Variants in DNAH17 observed in about 807,000 individuals in gnomAD.
The protein encoded by DNAH17 is axonemal beta dynein heavy chain 17.
In DNAH17, 376 loss-of-function variants were observed where a neutral mutation model predicts 485.6. The observed-to-expected ratio is 0.77, with a 90% CI of 0.71 to 0.84. The LOEUF (loss-of-function observed/expected upper bound fraction) is 0.84, where lower values mean the gene tolerates loss of function less well. Among genes scored for constraint, DNAH17 ranks in the 40% least tolerant of loss-of-function variants. DNAH17 has a pLI of 0.00. For missense variants in DNAH17, 6,370 were observed against 5,839.3 expected (o/e 1.09, Z -2.96); for synonymous variants, 3,031 against 2,405.9 (o/e 1.26, Z -7.60).
chr17:78,453,748 C>T (rs888668695), intron 64 of DNAH17, among the ~76,000 whole-genome samples: 1 of 152,222 alleles, frequency 6.6e-6, no homozygotes, highest in African/African-American at 2.4e-5. Context: ...AGTGCAGTGG[C>T]ATGAGCAGGG....
intron 42 of DNAH17, among the ~76,000 whole-genome samples, chr17:78,491,895 T>C (rs1056902069): frequency 9.2e-5 from 14 of 152,210 alleles, no homozygotes; most frequent in Admixed American, 6.5e-5. Context: ...CACCCAGCTC[T>C]GTCCATCTGT....
chr17:78,561,692 C>G (rs765135588), intron 12 of DNAH17, 23 bp downstream of exon 12: 2 of 1,581,186 alleles, frequency 1.3e-6, no homozygotes. Context: ...GGGTGCCTGC[C>G]CCTGCCCAGG....
At chr17:78,479,965 A>C (rs1205461518) in intron 49 of DNAH17, among the ~76,000 whole-genome samples, 1 of 151,626 alleles carries the variant, frequency 6.6e-6, no homozygotes, top group African/African-American at 2.4e-5. Context: ...GCTACAGATA[A>C]AATACAGGAT....
chr17:78,507,936 C>T, intron 27 of DNAH17, 131 bp from the exon 28 acceptor site: 1 of 836,896 alleles, frequency 1.2e-6, no homozygotes, highest in Non-Finnish European at 1.8e-6. Flanking sequence ...AACGTATTCA[C>T]AGGAGCCAAA....
intron 56 of DNAH17, among the ~76,000 whole-genome samples, chr17:78,464,944 T>TTATCGC (rs1298021162): frequency 2.6e-5 from 4 of 152,174 alleles, no homozygotes; most frequent in African/African-American, 9.7e-5. Context: ...AAAACCTCAC[T>TTATCGC]TATCGCTCTC....
intron 17 of DNAH17, among the ~76,000 whole-genome samples, chr17:78,542,399 C>T (rs553000035): frequency 3.9e-5 from 6 of 152,238 alleles, no homozygotes; most frequent in Middle Eastern, 3.4e-3. Flanking sequence ...CCACCCACCT[C>T]GGCCTCCCAA....
intron 71 of DNAH17, among the ~76,000 whole-genome samples, chr17:78,441,564 CAA>C (rs2087077612): frequency 6.6e-6 from 1 of 151,972 alleles, no homozygotes; most frequent in Admixed American, 6.5e-5. Flanking sequence ...CTAAAAAAGT[CAA>C]AGAAAAAAGC....
chr17:78,458,459 C>T, intron 62 of DNAH17, 106 bp downstream of exon 62: 2 of 930,550 alleles, frequency 2.1e-6, no homozygotes, highest in South Asian at 1.4e-5. Flanking sequence ...GGCAACCTGG[C>T]TGCTTCCACC....
intron 54 of DNAH17, among the ~76,000 whole-genome samples, chr17:78,470,101 TCTCA>T (rs2088678867): frequency 7.7e-6 from 1 of 130,284 alleles, no homozygotes; most frequent in South Asian, 2.5e-4. Context: ...TGAGACAGTC[TCTCA>T]CTCTGTTGCC....
chr17:78,501,909 G>A (rs775245844), intron 33 of DNAH17, 36 bp from the exon 34 acceptor site: 1 of 1,612,270 alleles, frequency 6.2e-7, no homozygotes, highest in South Asian at 1.1e-5. Context: ...GACACCACGG[G>A]TGCCCACATG....
chr17:78,548,998 G>A (rs2143539282), intron 16 of DNAH17, among the ~76,000 whole-genome samples: 1 of 152,372 alleles, frequency 6.6e-6, no homozygotes, highest in East Asian at 1.9e-4. Flanking sequence ...AAGTGATGGG[G>A]ATGGAGACAC....
chr17:78,487,285 A>G (rs963740561), intron 44 of DNAH17, among the ~76,000 whole-genome samples: 1 of 152,168 alleles, frequency 6.6e-6, no homozygotes, highest in Admixed American at 6.5e-5. Context: ...TGATGTTTCC[A>G]TGACCCTCAT....
rs1457840651 is a variant in DNAH17, at chr17:78,527,801, CAG to C, written c.3508-807_3508-806del. Among the ~76,000 whole-genome samples the C allele has an allele frequency of 2.0e-5, 3 of 152,134 alleles. No homozygotes were observed. In the East Asian group the frequency reaches 5.8e-4, roughly 29 times the overall value. ...AATTATTATTTATTCATTTTTGAGACAGAGTCTCACTCTACTGCTGAGGCTGG... is the reference window on the plus strand; with the variant it reads ...AATTATTATTTATTCATTTTTGAGACAGTCTCACTCTACTGCTGAGGCTGG... On this transcript the variant is annotated intron_variant, in intron 22 of 80. Coordinates refer to ENST00000389840, the MANE Select transcript of DNAH17 (RefSeq NM_173628.4).
At position 78,428,555 on chromosome 17, in the gene DNAH17, C is replaced by T. The variant is rs761393901; in HGVS notation, c.12558G>A (p.Gly4186=). ...LEMQPKETDS[G]AGTGVSREEK... is the part of the protein sequence containing the mutation. The stretch of plus-strand genomic sequence containing the variant: ...CCTCGCGGGACACTCCCGTGCCTGC[C>T]CCCGAGTCCGTCTCTTTTGGCTGCA... The change falls in exon 77 of 81, where the codon GGG becomes GGA. Residue 4186 remains glycine (G), a synonymous_variant. Coordinates refer to ENST00000389840, the MANE Select transcript of DNAH17 (RefSeq NM_173628.4). 5.3e-5 allele frequency: 86 copies of T among 1,612,376 alleles called. No individual in the cohort carries two copies. The highest frequency in any genetic ancestry group is 7.1e-5 in the Non-Finnish European group (84 of 1,179,326).
At chr17:78,555,365 T>C (rs11654115) in intron 14 of DNAH17, among the ~76,000 whole-genome samples, 116,333 of 151,566 alleles carry the variant, frequency 0.77, 44,831 homozygotes, top group Middle Eastern at 0.8. Context: ...GACTAAATCA[T>C]GGTGCTCCTA....
chr17:78,466,328 G>C (rs969170793), intron 56 of DNAH17, among the ~76,000 whole-genome samples: 1 of 152,066 alleles, frequency 6.6e-6, no homozygotes, highest in African/African-American at 2.4e-5. Context: ...CTCTGCCTAG[G>C]AAAACCAGAG....
At chr17:78,454,370 G>T in intron 64 of DNAH17, 100 bp downstream of exon 64, 2 of 870,656 alleles carry the variant, frequency 2.3e-6, no homozygotes, top group Non-Finnish European at 3.5e-6. Flanking sequence ...GCTAGTACTT[G>T]TATTGAAAGA....
chr17:78,464,045 TA>T (rs1035737629), intron 56 of DNAH17, among the ~76,000 whole-genome samples: 2 of 152,192 alleles, frequency 1.3e-5, no homozygotes, highest in Non-Finnish European at 2.9e-5. Flanking sequence ...TTCCCATCTT[TA>T]AAAACTAGGA....
intron 14 of DNAH17, among the ~76,000 whole-genome samples, chr17:78,557,534 G>T (rs541560190): frequency 1.3e-5 from 2 of 150,674 alleles, no homozygotes; most frequent in African/African-American, 2.4e-5. Context: ...AGCTACTCAG[G>T]AGGCTGAGCC....
Sources: gnomAD v4.1 joint callset for allele counts (sites outside exome capture counted in the v4.1 genomes callset) on GRCh38, gnomAD v4.1.1 for gene constraint, MANE v1.5 for transcripts, NCBI Gene and HGNC (gene_info 2026-07-23, HGNC 2026-07-21) for gene names.